The following VPS8 variants were observed in gnomAD, a reference collection of about 807,000 sequenced individuals.
VPS8 encodes vacuolar protein sorting-associated protein 8 homolog.
Under a neutral mutation model 216.4 loss-of-function variants are expected in VPS8, and 129 were observed. The observed-to-expected ratio is 0.60, with a 90% confidence interval of 0.52 to 0.69. VPS8 has a LOEUF of 0.69. Ranked by LOEUF, VPS8 falls within the 30% of genes least tolerant of loss-of-function variation. The pLI, the probability that VPS8 is intolerant of heterozygous loss-of-function variation, is 0.00. For synonymous variants in VPS8, 571 were observed against 565.4 expected (o/e 1.01, Z -0.14); for missense variants, 1,531 against 1,683.5 (o/e 0.91, Z 1.59).
intron 16 of VPS8, among the ~76,000 whole-genome samples, chr3:184,863,608 G>A (rs995258543): frequency 6.6e-6 from 1 of 152,080 alleles, no homozygotes; most frequent in African/African-American, 2.4e-5. Context: ...GAAGGAGGAC[G>A]CAACAAAGTT....
intron 1 of VPS8, among the ~76,000 whole-genome samples, chr3:184,814,267 G>A (rs1381469856): frequency 6.6e-6 from 1 of 152,216 alleles, no homozygotes; most frequent in East Asian, 1.9e-4. Context: ...CAGTGATGGA[G>A]TACTTGTGTC....
intron 28 of VPS8, among the ~76,000 whole-genome samples, chr3:184,919,842 A>G (rs867149040): frequency 6.6e-6 from 1 of 152,200 alleles, no homozygotes; most frequent in African/African-American, 2.4e-5. Context: ...CATTAGTGTT[A>G]TCGCTCTCTT....
chr3:185,015,684 G>A (rs771290965), intron 45 of VPS8, among the ~76,000 whole-genome samples: 20 of 152,162 alleles, frequency 1.3e-4, no homozygotes, highest in Non-Finnish European at 1.9e-4. Flanking sequence ...AAGAGTTATC[G>A]AGAATACCCA....
At chr3:184,896,266 T>C (rs983916286) in intron 23 of VPS8, among the ~76,000 whole-genome samples, 16 of 152,286 alleles carry the variant, frequency 1.1e-4, no homozygotes, top group African/African-American at 3.6e-4. Context: ...TAGTTTTGCC[T>C]ACCTATCACA....
chr3:184,922,431 T>A (rs1738800402), intron 29 of VPS8: 1 of 454,660 alleles, frequency 2.2e-6, no homozygotes, highest in African/African-American at 2.0e-5. Context: ...TGTTTTAGCA[T>A]GCCTAGAACA....
Position 185,037,522 on chromosome 3 carries a change from A to G in VPS8, c.4057-10957A>G, listed in dbSNP as rs1266102070. ...TAGGTTATTGTTTTTCAATGAACGT[A>G]GGACATTTTTAGCCATAATGTATTA... On this transcript the variant is annotated intron_variant, in intron 46 of 47. Transcript: ENST00000625842. Among the ~76,000 whole-genome samples the G allele has an allele frequency of 3.3e-5, 5 of 152,314 alleles. No individual in the cohort carries two copies. In the East Asian group the frequency reaches 9.6e-4, roughly 29 times the overall value.
chr3:184,847,420 A>T (rs544755522), intron 8 of VPS8, among the ~76,000 whole-genome samples: 1 of 152,350 alleles, frequency 6.6e-6, no homozygotes, highest in Admixed American at 6.5e-5. Flanking sequence ...AGCTATTCAG[A>T]TGATTGTCAG....
chr3:184,853,210 G>A (rs1413140959), intron 11 of VPS8, among the ~76,000 whole-genome samples: 1 of 152,092 alleles, frequency 6.6e-6, no homozygotes, highest in Non-Finnish European at 1.5e-5. Flanking sequence ...TTATAGCTGT[G>A]AACCAAGCAA....
intron 45 of VPS8, among the ~76,000 whole-genome samples, chr3:185,012,168 C>T (rs1755102148): frequency 6.7e-6 from 1 of 150,304 alleles, no homozygotes; most frequent in Non-Finnish European, 1.5e-5. Context: ...ACCTGTGAAA[C>T]AATATCTAGA....
chr3:184,893,466 A>T, intron 22 of VPS8: 1 of 709,858 alleles, frequency 1.4e-6, no homozygotes, highest in South Asian at 2.7e-5. Flanking sequence ...ATGAACAAAG[A>T]AGTGAATGAT....
chr3:184,912,468 C>T (rs1299596827), intron 25 of VPS8, among the ~76,000 whole-genome samples: 4 of 152,028 alleles, frequency 2.6e-5, no homozygotes, highest in Admixed American at 6.6e-5. Context: ...CCAGGATTTT[C>T]GTTTGTTTGT....
At chr3:184,816,604 A>G (rs774543890) in intron 1 of VPS8, among the ~76,000 whole-genome samples, 3 of 152,196 alleles carry the variant, frequency 2.0e-5, no homozygotes, top group Non-Finnish European at 4.4e-5. Flanking sequence ...ATGTTTCTCT[A>G]AATAGGGTCT....
chr3:184,879,302 T>G (rs1397385891), intron 21 of VPS8, among the ~76,000 whole-genome samples: 1 of 152,236 alleles, frequency 6.6e-6, no homozygotes, highest in African/African-American at 2.4e-5. Context: ...AGCAGTCTTT[T>G]TTGGCCCATT....
At chr3:184,956,674 G>T (rs926244101) in intron 36 of VPS8, among the ~76,000 whole-genome samples, 16 of 152,186 alleles carry the variant, frequency 1.1e-4, no homozygotes, top group Admixed American at 1.3e-4. Flanking sequence ...TTGAGTGCTT[G>T]AGTGGCCAGT....
At chr3:184,967,735 G>T (rs773148145) in intron 39 of VPS8, among the ~76,000 whole-genome samples, 13 of 151,922 alleles carry the variant, frequency 8.6e-5, no homozygotes, top group Non-Finnish European at 1.8e-4. Context: ...TACTTGGGAG[G>T]CTGAGGCAGG....
intron 46 of VPS8, among the ~76,000 whole-genome samples, chr3:185,047,728 T>G (rs1015823252): frequency 7.2e-5 from 11 of 152,152 alleles, no homozygotes; most frequent in African/African-American, 2.7e-4. Flanking sequence ...CATTACCCCT[T>G]CCTTCCCACA....
chr3:184,832,865 A>C (rs79928432), intron 4 of VPS8, 46 bp downstream of exon 4: 3 of 1,572,670 alleles, frequency 1.9e-6, no homozygotes, highest in Non-Finnish European at 8.6e-7. Flanking sequence ...GAAGTATTCA[A>C]TTGTTTCAAA....
chr3:185,048,923 G>C (rs990018693), intron 47 of VPS8, among the ~76,000 whole-genome samples: 3 of 152,212 alleles, frequency 2.0e-5, no homozygotes, highest in Non-Finnish European at 4.4e-5. Context: ...CTGGGCATCT[G>C]CACTGGTTGA....
chr3:184,950,694 C>T (rs1744542161), intron 36 of VPS8, among the ~76,000 whole-genome samples: 1 of 151,582 alleles, frequency 6.6e-6, no homozygotes, highest in Admixed American at 6.6e-5. Flanking sequence ...ACCTATTGAC[C>T]CATCCTCTAA....
Sources: allele counts gnomAD v4.1 joint callset (sites outside exome capture counted in the v4.1 genomes callset), GRCh38; gene constraint gnomAD v4.1.1; transcripts MANE v1.5; gene names NCBI Gene and HGNC (gene_info 2026-07-23, HGNC 2026-07-21).